STAU2: variants seen among roughly 807,000 people sequenced by gnomAD.
STAU2 encodes staufen double-stranded RNA binding protein 2, also known as double-stranded RNA-binding protein Staufen homolog 2.
Under a neutral mutation model 65.9 loss-of-function variants are expected in STAU2, and 20 were observed. The observed-to-expected ratio is 0.30, with a 90% CI of 0.21 to 0.44. The LOEUF is 0.44. STAU2 is among the 20% of genes least tolerant of loss of function. The pLI, the probability that STAU2 is intolerant of heterozygous loss-of-function variation, is 1.00. For missense variants in STAU2, 558 were observed against 683.9 expected (o/e 0.82, Z 2.05); for synonymous variants, 232 against 233.9 (o/e 0.99, Z 0.07).
chr8:73,664,090 G>A (rs556529770), intron 6 of STAU2, among the ~76,000 whole-genome samples: 4 of 151,994 alleles, frequency 2.6e-5, no homozygotes, highest in African/African-American at 7.3e-5. Flanking sequence ...GTCTCACTGC[G>A]TTGCCTAGGC....
At chr8:73,583,291 G>C (rs1810127164) in intron 11 of STAU2, among the ~76,000 whole-genome samples, 1 of 151,714 alleles carries the variant, frequency 6.6e-6, no homozygotes, top group Non-Finnish European at 1.5e-5. Context: ...GATTAGAAGT[G>C]CCTGCCACCA....
chr8:73,587,533 T>G (rs1310329840), intron 11 of STAU2, among the ~76,000 whole-genome samples: 1 of 152,138 alleles, frequency 6.6e-6, no homozygotes, highest in Non-Finnish European at 1.5e-5. Context: ...GGGTAGGGTG[T>G]ACGTTGGGAA....
chr8:73,704,776 C>T (rs192315379), intron 4 of STAU2, among the ~76,000 whole-genome samples: 73 of 152,302 alleles, frequency 4.8e-4, no homozygotes, highest in Non-Finnish European at 8.4e-4. Flanking sequence ...TCAAGCAATT[C>T]TCCTGCCTCA....
intron 3 of STAU2, among the ~76,000 whole-genome samples, chr8:73,716,190 G>A (rs1376311640): frequency 2.0e-5 from 3 of 151,614 alleles, no homozygotes; most frequent in Non-Finnish European, 2.9e-5. Flanking sequence ...CCGGGTTCAC[G>A]CCATTCTCCT....
intron 4 of STAU2, among the ~76,000 whole-genome samples, chr8:73,702,065 T>C (rs1820150113): frequency 6.6e-6 from 1 of 151,978 alleles, no homozygotes; most frequent in South Asian, 2.1e-4. Flanking sequence ...AGAAGGATGG[T>C]TACTAGAGAT....
chr8:73,719,739 G>A (rs1161432504), intron 3 of STAU2, among the ~76,000 whole-genome samples: 1 of 152,060 alleles, frequency 6.6e-6, no homozygotes. Context: ...TTAGATTTTT[G>A]CAATTATATT....
intron 10 of STAU2, among the ~76,000 whole-genome samples, chr8:73,598,018 GA>G (rs1478969927): frequency 6.6e-6 from 1 of 151,976 alleles, no homozygotes; most frequent in African/African-American, 2.4e-5. Flanking sequence ...AACAGTATAA[GA>G]AAATTTACAG....
rs555653538 is a variant in STAU2, at chr8:73,514,845, C to T, written c.1530+37167G>A. ...TTTAGATTCACAGAAAAATTGAGCA[C>T]AACTTACAGAGACTTCTCATATAAC... On this transcript the variant is annotated intron_variant, in intron 13 of 14. Transcript: ENST00000524300. Among the ~76,000 whole-genome samples the T allele has an allele frequency of 5.3e-5, 8 of 152,236 alleles. No individual in the cohort carries two copies. The East Asian group carries it at 1.4e-3, about 26-fold the overall frequency.
intron 5 of STAU2, among the ~76,000 whole-genome samples, chr8:73,674,567 TA>T (rs1817906213): frequency 6.6e-6 from 1 of 151,870 alleles, no homozygotes; most frequent in Non-Finnish European, 1.5e-5. Context: ...CAAATAACTT[TA>T]AAATATAGTC....
intron 3 of STAU2, among the ~76,000 whole-genome samples, chr8:73,725,870 C>A (rs1232247241): frequency 1.3e-5 from 2 of 152,238 alleles, no homozygotes; most frequent in African/African-American, 4.8e-5. Context: ...GAGGTCGAGG[C>A]TGCAGTGAGC....
intron 12 of STAU2, among the ~76,000 whole-genome samples, chr8:73,566,900 C>T (rs1287043256): frequency 4.6e-5 from 7 of 152,186 alleles, no homozygotes; most frequent in Non-Finnish European, 1.0e-4. Flanking sequence ...AGATTCAGAA[C>T]ATCTTGAGGT....
chr8:73,587,553 A>T (rs1399613313), intron 11 of STAU2, among the ~76,000 whole-genome samples: 1 of 152,200 alleles, frequency 6.6e-6, no homozygotes, highest in Non-Finnish European at 1.5e-5. Flanking sequence ...AAGGAACGAA[A>T]AAAACTGCAT....
intron 13 of STAU2, among the ~76,000 whole-genome samples, chr8:73,431,320 C>G (rs913732645): frequency 7.3e-5 from 11 of 151,512 alleles, no homozygotes; most frequent in Non-Finnish European, 1.5e-4. Context: ...TAACTGGAAT[C>G]TTAAACTCAG....
chr8:73,453,337 T>C (rs1818897772), intron 13 of STAU2, among the ~76,000 whole-genome samples: 1 of 152,188 alleles, frequency 6.6e-6, no homozygotes. Flanking sequence ...AATATCATGC[T>C]GTATATTCAT....
At chr8:73,619,485 G>C (rs973632257) in intron 6 of STAU2, among the ~76,000 whole-genome samples, 1 of 152,192 alleles carries the variant, frequency 6.6e-6, no homozygotes, top group African/African-American at 2.4e-5. Context: ...GCACATCCAA[G>C]TAGTGACGCT....
chr8:73,516,656 T>C (rs1822743721), intron 13 of STAU2, among the ~76,000 whole-genome samples: 1 of 152,298 alleles, frequency 6.6e-6, no homozygotes, highest in East Asian at 1.9e-4. Flanking sequence ...GGGAGAGGCA[T>C]GACTTAATTG....
chr8:73,564,042 C>A (rs371525609), intron 12 of STAU2, among the ~76,000 whole-genome samples: 24 of 152,312 alleles, frequency 1.6e-4, no homozygotes, highest in East Asian at 1.5e-3. Flanking sequence ...CACACCACCC[C>A]CCTAAGTCAG....
At chr8:73,563,105 C>CA (rs1417505547) in intron 12 of STAU2, among the ~76,000 whole-genome samples, 8 of 152,016 alleles carry the variant, frequency 5.3e-5, no homozygotes, top group Admixed American at 3.9e-4. Context: ...CAAATACACA[C>CA]AAAAAAACCT....
chr8:73,425,246 T>C (rs1816716670), intron 13 of STAU2, among the ~76,000 whole-genome samples: 1 of 152,204 alleles, frequency 6.6e-6, no homozygotes, highest in Non-Finnish European at 1.5e-5. Context: ...GATGAGGTCA[T>C]ACTGGAGTAG....
Sources: allele counts gnomAD v4.1 joint callset (sites outside exome capture counted in the v4.1 genomes callset), GRCh38; gene constraint gnomAD v4.1.1; transcripts MANE v1.5; gene names NCBI Gene and HGNC (gene_info 2026-07-23, HGNC 2026-07-21).